Variants in PNPT1 observed in about 807,000 individuals in gnomAD.
PNPT1 encodes the protein polyribonucleotide nucleotidyltransferase 1, mitochondrial.
In PNPT1, 53 loss-of-function variants were observed where a neutral mutation model predicts 119.5. That is an observed-to-expected ratio of 0.44 (90% confidence interval 0.36 to 0.56). The LOEUF is 0.56. Among genes scored for constraint, PNPT1 ranks in the 20% least tolerant of loss-of-function variants. PNPT1 has a pLI of 0.00. For missense variants in PNPT1, 948 were observed against 938.5 expected (o/e 1.01, Z -0.13); for synonymous variants, 357 against 322.1 (o/e 1.11, Z -1.16).
chr2:55,638,722 T>A (rs148614790), intron 26 of PNPT1, among the ~76,000 whole-genome samples: 258 of 152,240 alleles, frequency 1.7e-3, no homozygotes, highest in African/African-American at 5.8e-3. Flanking sequence ...ACTTAGTGTA[T>A]GTGTACGGCA....
At chr2:55,689,249 A>G (rs1222133005) in intron 1 of PNPT1, among the ~76,000 whole-genome samples, 2 of 152,238 alleles carry the variant, frequency 1.3e-5, no homozygotes, top group African/African-American at 2.4e-5. Flanking sequence ...AACAATAAAG[A>G]CAACTGAATT....
intron 2 of PNPT1, 77 bp downstream of exon 2, chr2:55,687,568 C>A: frequency 9.7e-7 from 1 of 1,025,648 alleles, no homozygotes; most frequent in South Asian, 1.7e-5. Context: ...AGTAGTTACA[C>A]GATGTTGTAG....
At chr2:55,654,849 G>C in intron 18 of PNPT1, 51 bp downstream of exon 18, 1 of 1,536,176 alleles carries the variant, frequency 6.5e-7, no homozygotes, top group Non-Finnish European at 8.9e-7. Context: ...GCTCATGCCT[G>C]GGATTACAGG....
chr2:55,652,120 G>A (rs532890767), intron 18 of PNPT1, among the ~76,000 whole-genome samples: 1 of 152,092 alleles, frequency 6.6e-6, no homozygotes, highest in Non-Finnish European at 1.5e-5. Flanking sequence ...GCTCAGCCTA[G>A]TTCAACAATC....
intron 15 of PNPT1, among the ~76,000 whole-genome samples, chr2:55,657,001 G>T (rs1696407663): frequency 5.9e-5 from 9 of 152,132 alleles, no homozygotes; most frequent in Admixed American, 5.9e-4. Flanking sequence ...AATTAGTTGT[G>T]ATCATTTGAC....
In PNPT1 at chr2:55,642,995, G is replaced by T. The variant is rs539391560; in HGVS notation, c.2069+163C>A. Among the ~76,000 whole-genome samples the T allele has an allele frequency of 3.3e-5, 5 of 152,264 alleles. No individual in the cohort carries two copies. In the East Asian group the frequency reaches 9.7e-4, roughly 29 times the overall value. On this transcript the variant is annotated intron_variant, in intron 25 of 27. Transcript: ENST00000447944. Reference sequence around the variant, plus strand: ...CAGCCACGTGTGGTGGTGTGTGCTTGTAGTCCTAAATAGGAGGCTGAGGTG... The same window carrying T: ...CAGCCACGTGTGGTGGTGTGTGCTTTTAGTCCTAAATAGGAGGCTGAGGTG...
intron 22 of PNPT1, 77 bp from the exon 23 acceptor site, chr2:55,644,797 A>AT (rs71393504): frequency 0.034 from 26,409 of 771,074 alleles, 25 homozygotes; most frequent in African/African-American, 0.037. Flanking sequence ...GTCACTTGAG[A>AT]TTTTTTTTTT....
chr2:55,692,104 C>A (rs562319742), intron 1 of PNPT1, among the ~76,000 whole-genome samples: 2 of 151,558 alleles, frequency 1.3e-5, no homozygotes, highest in African/African-American at 4.9e-5. Flanking sequence ...AGGCTGGTCT[C>A]GAACTCCTGA....
intron 18 of PNPT1, among the ~76,000 whole-genome samples, chr2:55,650,982 C>T (rs1439969591): frequency 1.1e-4 from 16 of 139,380 alleles, no homozygotes; most frequent in Middle Eastern, 5.0e-3. Flanking sequence ...CCGCCCCGTC[C>T]GGGAGGTGAG....
intron 8 of PNPT1, among the ~76,000 whole-genome samples, chr2:55,676,677 C>T (rs1290837742): frequency 1.3e-5 from 2 of 152,000 alleles, no homozygotes; most frequent in African/African-American, 4.8e-5. Context: ...GCCTGACAAA[C>T]ATGGTGAAAC....
At chr2:55,683,194 A>G (rs993934757) in intron 5 of PNPT1, among the ~76,000 whole-genome samples, 3 of 152,132 alleles carry the variant, frequency 2.0e-5, no homozygotes, top group Non-Finnish European at 2.9e-5. Flanking sequence ...TCTTCTTTTT[A>G]AACTCATTAA....
intron 22 of PNPT1, chr2:55,645,124 T>A (rs12623293): frequency 9.3e-6 from 3 of 321,276 alleles, no homozygotes; most frequent in Non-Finnish European, 1.7e-5. Flanking sequence ...CCCGGGTTCA[T>A]GCCATTCTCC....
intron 2 of PNPT1, 44 bp downstream of exon 2, chr2:55,687,601 C>T (rs531317306): frequency 2.1e-5 from 30 of 1,452,052 alleles, no homozygotes; most frequent in South Asian, 3.8e-5. Flanking sequence ...TATGAGTCTC[C>T]GTAACCATTT....
At chr2:55,645,172 C>T (rs889557237) in intron 22 of PNPT1, 177 bp downstream of exon 22, 15 of 414,506 alleles carry the variant, frequency 3.6e-5, no homozygotes, top group Admixed American at 1.7e-4. Flanking sequence ...TACAGGCGCC[C>T]GCCACCACGC....
At chr2:55,686,515 A>G in intron 2 of PNPT1, 71 bp from the exon 3 acceptor site, 1 of 1,115,082 alleles carries the variant, frequency 9.0e-7, no homozygotes, top group East Asian at 2.5e-5. Flanking sequence ...GCAACTGAAT[A>G]AATCCTTACT....
At chr2:55,685,387 G>A (rs750852836) in intron 3 of PNPT1, among the ~76,000 whole-genome samples, 14 of 152,254 alleles carry the variant, frequency 9.2e-5, no homozygotes, top group Non-Finnish European at 1.8e-4. Flanking sequence ...AATTAGTTGG[G>A]CACAATGGCC....
At chr2:55,670,821 G>A (rs1696887422) in intron 11 of PNPT1, among the ~76,000 whole-genome samples, 1 of 152,042 alleles carries the variant, frequency 6.6e-6, no homozygotes, top group East Asian at 1.9e-4. Context: ...ACATTTACTA[G>A]GTACCTACTC....
intron 21 of PNPT1, 22 bp from the exon 22 acceptor site, chr2:55,645,454 A>T (rs1695962876): frequency 1.4e-6 from 2 of 1,468,634 alleles, no homozygotes; most frequent in Non-Finnish European, 1.9e-6. Flanking sequence ...AAACACAAAA[A>T]TTATAACTAC....
At chr2:55,663,230 A>G (rs1357227625) in intron 13 of PNPT1, among the ~76,000 whole-genome samples, 1 of 152,228 alleles carries the variant, frequency 6.6e-6, no homozygotes, top group African/African-American at 2.4e-5. Context: ...AAGGACATAA[A>G]AAAGAATAAG....
Sources: allele counts gnomAD v4.1 joint callset (sites outside exome capture counted in the v4.1 genomes callset), GRCh38; gene constraint gnomAD v4.1.1; transcripts MANE v1.5; gene names NCBI Gene and HGNC (gene_info 2026-07-23, HGNC 2026-07-21).